SEC14L5: variants seen among roughly 807,000 people sequenced by gnomAD.
SEC14L5 encodes the protein SEC14 like lipid binding 5.
Under a neutral mutation model 84.6 loss-of-function variants are expected in SEC14L5, and 96 were observed. That is an observed-to-expected ratio of 1.13 (90% CI 0.96 to 1.34). The LOEUF (loss-of-function observed/expected upper bound fraction) is 1.34, where lower values mean the gene tolerates loss of function less well. SEC14L5 is among the 40% of genes most tolerant of loss of function. The pLI is 0.00. For missense variants in SEC14L5, 1,224 were observed against 942.5 expected, an observed-to-expected ratio of 1.30 and a Z score of -3.91; for synonymous variants, 546 against 383.4, an observed-to-expected ratio of 1.42 and a Z score of -4.95.
At chr16:4,975,472 CAAA>C (rs55786860) in intron 2 of SEC14L5, among the ~76,000 whole-genome samples, 1 of 77,316 alleles carries the variant, frequency 1.3e-5, no homozygotes. Flanking sequence ...AACTCCATCT[CAAA>C]AAAAAAAAAA....
intron 5 of SEC14L5, 52 bp from the exon 6 acceptor site, chr16:4,991,786 C>T (rs1399308386): frequency 2.3e-6 from 3 of 1,314,076 alleles, no homozygotes; most frequent in Non-Finnish European, 3.1e-6. Flanking sequence ...ATCCTGTGAC[C>T]CCCCTCCATC....
Position 5,006,023 on chromosome 16 carries a change from C to T in SEC14L5, c.1412C>T (p.Pro471Leu). Residue 471 changes from proline (P) to leucine (L), a missense_variant, in exon 12 of 16, where the codon CCT becomes CTT. Transcript: ENST00000251170. ...GACTATCTGGATAGAGAAGTGATCC[C>T]TGACTTCCTTGGGGGAGAGAGTGTG... ...LVDYLDREVI[P>L]DFLGGESVCN... 6.2e-7 allele frequency: 1 copy of T among 1,613,896 alleles called. No homozygotes were observed.
At position 5,011,294 on chromosome 16, in the gene SEC14L5, G is replaced by A. The variant is rs549815088; in HGVS notation, c.1979+21G>A. 397 of 1,605,956 alleles carry A rather than the reference G, an allele frequency of 2.5e-4. 4 individuals are homozygous for A. In the South Asian group the frequency reaches 4.1e-3, roughly 17 times the overall value. On this transcript the variant is annotated intron_variant, in intron 15 of 15. Transcript: ENST00000251170. ...TTCAGGTAGGAGGGCTCCGGAGCGG[G>A]GTCCTGGGCAGGAAGGACCCTGGGG... is the stretch of plus-strand genomic sequence containing the variant.
At position 4,988,142 on chromosome 16, in the gene SEC14L5, C is replaced by G. The variant is rs763195552; in HGVS notation, c.214-7C>G. The G allele has an allele frequency of 6.2e-7, 1 of 1,613,610 alleles. No individual in the cohort carries two copies. Among genetic ancestry groups the G allele is most frequent in the Non-Finnish European group, 8.5e-7 (1 of 1,179,712 alleles). On this transcript the variant is annotated splice_region_variant and splice_polypyrimidine_tract_variant and intron_variant, in intron 3 of 15. Transcript: ENST00000251170. Reference sequence around the variant, plus strand: ...CCACCTCCGCCTCCCCGCCCCTTCCCTTGCAGATCGCAGGTGTTGAGCACG... The same window carrying G: ...CCACCTCCGCCTCCCCGCCCCTTCCGTTGCAGATCGCAGGTGTTGAGCACG...
At chr16:5,001,283 G>A (rs1160624535) in intron 10 of SEC14L5, among the ~76,000 whole-genome samples, 3 of 148,670 alleles carry the variant, frequency 2.0e-5, no homozygotes, top group African/African-American at 7.5e-5. Context: ...TTTTGAAACG[G>A]AGTCTCGCTC....
intron 2 of SEC14L5, among the ~76,000 whole-genome samples, chr16:4,966,580 A>C (rs1423342348): frequency 6.6e-6 from 1 of 152,180 alleles, no homozygotes; most frequent in East Asian, 1.9e-4. Flanking sequence ...AGCCCCAGAC[A>C]CTGCTCTGAG....
chr16:4,963,059 C>A (rs372813805), intron 2 of SEC14L5, among the ~76,000 whole-genome samples: 1 of 152,154 alleles, frequency 6.6e-6, no homozygotes, highest in Admixed American at 6.5e-5. Flanking sequence ...GAAAAGCTGG[C>A]CTTTCAGTTT....
At chr16:4,997,847 C>G (rs1325852372) in intron 8 of SEC14L5, among the ~76,000 whole-genome samples, 1 of 152,006 alleles carries the variant, frequency 6.6e-6, no homozygotes, top group Non-Finnish European at 1.5e-5. Flanking sequence ...GTCTCTGCCT[C>G]TCTCTTCACA....
At chr16:5,000,110 G>A (rs1955658446) in intron 8 of SEC14L5, among the ~76,000 whole-genome samples, 1 of 152,024 alleles carries the variant, frequency 6.6e-6, no homozygotes, top group Non-Finnish European at 1.5e-5. Context: ...GGCCAAGATG[G>A]TGAAACCCCA....
chr16:5,003,153 C>T (rs181402210), intron 10 of SEC14L5, among the ~76,000 whole-genome samples: 1 of 152,374 alleles, frequency 6.6e-6, no homozygotes, highest in Admixed American at 6.5e-5. Flanking sequence ...TGCCACTGTC[C>T]TATGAGTAAG....
At chr16:5,008,364 C>G in intron 13 of SEC14L5, 57 bp from the exon 14 acceptor site, 1 of 1,312,634 alleles carries the variant, frequency 7.6e-7, no homozygotes, top group Non-Finnish European at 1.1e-6. Context: ...ACTGTGTTCC[C>G]CACCCCAGCT....
At chr16:4,969,408 A>G (rs1454073214) in intron 2 of SEC14L5, among the ~76,000 whole-genome samples, 1 of 151,304 alleles carries the variant, frequency 6.6e-6, no homozygotes, top group Non-Finnish European at 1.5e-5. Context: ...TTTTTGAGAC[A>G]GAGTCTTCCT....
rs1195946097 is a variant in SEC14L5, at chr16:5,000,711, A to G, written c.1027A>G (p.Lys343Glu). 4 of 1,552,332 alleles carry G rather than the reference A, an allele frequency of 2.6e-6. No individual in the cohort carries two copies. The South Asian group carries it at 3.6e-5, about 14-fold the overall frequency. ...CCAGATGGACACCAAAGGCTTGATG[A>G]AGGCCGTGGGGGAGGAGGCGCTGCT... ...LGQMDTKGLMKAVGEEALLRH... is the reference protein window; with the variant it reads ...LGQMDTKGLMEAVGEEALLRH... Residue 343 changes from lysine (K) to glutamate (E), a missense_variant, in exon 9 of 16, where the codon AAG (lysine) becomes GAG (glutamate). By Grantham distance (56) the Lys-to-Glu change is moderately conservative. Coordinates refer to ENST00000251170, the MANE Select transcript of SEC14L5 (RefSeq NM_014692.2).
chr16:5,005,186 G>T (rs527561685), intron 11 of SEC14L5, among the ~76,000 whole-genome samples: 4 of 152,258 alleles, frequency 2.6e-5, no homozygotes, highest in African/African-American at 9.6e-5. Flanking sequence ...ATGGTGGTGG[G>T]AGCCTGTAAT....
intron 6 of SEC14L5, among the ~76,000 whole-genome samples, chr16:4,995,231 C>T (rs1234513630): frequency 6.6e-6 from 1 of 152,320 alleles, no homozygotes; most frequent in Non-Finnish European, 1.5e-5. Flanking sequence ...GTGACGTCTC[C>T]GCCCACTGCT....
intron 10 of SEC14L5, among the ~76,000 whole-genome samples, chr16:5,002,452 A>G (rs1955687474): frequency 1.3e-5 from 2 of 152,214 alleles, no homozygotes; most frequent in South Asian, 4.2e-4. Flanking sequence ...GCCTGCCACC[A>G]CGCCTGGCTA....
At chr16:4,969,540 T>C (rs904312491) in intron 2 of SEC14L5, among the ~76,000 whole-genome samples, 5 of 152,134 alleles carry the variant, frequency 3.3e-5, no homozygotes, top group African/African-American at 4.8e-5. Flanking sequence ...CCTGCCACCA[T>C]GCTCGGCTAA....
chr16:4,976,974 C>G (rs1285749426), intron 2 of SEC14L5, among the ~76,000 whole-genome samples: 2 of 152,138 alleles, frequency 1.3e-5, no homozygotes, highest in South Asian at 2.1e-4. Flanking sequence ...ACAGAAAGGT[C>G]CCGTCAGCTG....
chr16:4,973,025 G>A (rs1955298752), intron 2 of SEC14L5, among the ~76,000 whole-genome samples: 1 of 152,222 alleles, frequency 6.6e-6, no homozygotes, highest in African/African-American at 2.4e-5. Context: ...ATTCAGGGAT[G>A]TCAGGGGCTG....
Sources: allele counts gnomAD v4.1 joint callset (sites outside exome capture counted in the v4.1 genomes callset), GRCh38; gene constraint gnomAD v4.1.1; transcripts MANE v1.5; gene names NCBI Gene and HGNC (gene_info 2026-07-23, HGNC 2026-07-21).